Variants in TOX4 observed in about 807,000 individuals in gnomAD.
The protein encoded by TOX4 is epidermal Langerhans cell protein LCP1.
A neutral mutation model predicts 61.0 loss-of-function variants in TOX4; 12 were observed. The observed-to-expected ratio is 0.20, with a 90% CI of 0.13 to 0.32. TOX4 has a LOEUF of 0.32. TOX4 is among the 10% of genes least tolerant of loss of function. The pLI is 1.00. For missense variants in TOX4, 499 were observed against 753.3 expected (o/e 0.66, Z 3.95); for synonymous variants, 268 against 274.8 (o/e 0.98, Z 0.24).
intron 2 of TOX4, among the ~76,000 whole-genome samples, chr14:21,483,023 G>A (rs767611710): frequency 2.0e-5 from 3 of 151,978 alleles, no homozygotes; most frequent in Admixed American, 6.6e-5. Context: ...ATGCCTTGTC[G>A]ATCCTACATA....
At chr14:21,491,595 C>T (rs1369959463) in intron 5 of TOX4, among the ~76,000 whole-genome samples, 9 of 150,448 alleles carry the variant, frequency 6.0e-5, no homozygotes, top group African/African-American at 2.2e-4. Context: ...AATCTCCTGA[C>T]CTCGTGATCT....
At chr14:21,488,392 AAAG>A in intron 3 of TOX4, 195 bp from the exon 4 acceptor site, 2 of 608,210 alleles carry the variant, frequency 3.3e-6, no homozygotes, top group Non-Finnish European at 5.6e-6. Flanking sequence ...TTTTGAGTGC[AAAG>A]AAGTAAATTC....
rs765469807 is a variant in TOX4 at position 21,493,274 on chromosome 14, A to C, written c.1641+17A>C. 2.5e-6 allele frequency: 4 copies of C among 1,588,278 alleles called. No individual in the cohort carries two copies. Among genetic ancestry groups the C allele is most frequent in the Non-Finnish European group, 3.4e-6 (4 of 1,168,622 alleles). On this transcript the variant is annotated intron_variant, in intron 7 of 8. Coordinates refer to ENST00000448790, the MANE Select transcript of TOX4 (RefSeq NM_014828.4). The stretch of plus-strand genomic sequence containing the variant: ...GTTCCTGAGGTGAGCCTTTGTTTTT[A>C]AGTCTTTAGTCTAGTGGAAATGTAT...
At position 21,493,156 on chromosome 14, in the gene TOX4, A is replaced by G; in HGVS notation, c.1540A>G (p.Ser514Gly). Reference protein sequence around the residue: ...QTTLVPPTVESSPERPMNNSP... With the variant: ...QTTLVPPTVEGSPERPMNNSP... ...TACCTTAGTCCCACCAACTGTGGAA[A>G]GTAGTCCTGAGCGGCCTATGAACAA... The change falls in exon 7 of 9, where the codon AGT (serine) becomes GGT (glycine). Residue 514 changes from serine (S) to glycine (G), a missense_variant. By Grantham distance (56) the Ser-to-Gly change is moderately conservative (BLOSUM62 0). This residue lies in a region of TOX4 where 296 missense variants were observed against 404.7 expected (regional missense o/e 0.73). Coordinates refer to ENST00000448790, the MANE Select transcript of TOX4 (RefSeq NM_014828.4). 6.2e-7 allele frequency: 1 copy of G among 1,614,208 alleles called. No homozygotes were observed. Among genetic ancestry groups the G allele is most frequent in the Non-Finnish European group, 8.5e-7 (1 of 1,180,034 alleles).
rs1891312832 is a variant in TOX4 at position 21,492,535 on chromosome 14, C to A, written c.919C>A (p.Pro307Thr). ...QATVETVELDPAPPSQTPSPP... is the reference protein window; with the variant it reads ...QATVETVELDTAPPSQTPSPP... ...CACTGTGGAAACAGTGGAATTGGAT[C>A]CAGCACCACCATCACAAACTCCTTC... Residue 307 changes from proline (P) to threonine (T), a missense_variant, in exon 7 of 9, where the codon CCA becomes ACA. By Grantham distance (38) the Pro-to-Thr change is conservative. This residue lies in a region of TOX4 where 296 missense variants were observed against 404.7 expected (regional missense o/e 0.73). Coordinates refer to ENST00000448790, the MANE Select transcript of TOX4 (RefSeq NM_014828.4). The A allele has an allele frequency of 6.2e-7, 1 of 1,613,794 alleles. No individual in the cohort carries two copies. The highest frequency in any genetic ancestry group is 8.5e-7 in the Non-Finnish European group (1 of 1,179,886).
intron 4 of TOX4, 78 bp downstream of exon 4, chr14:21,488,928 A>G (rs1257797226): frequency 8.3e-6 from 13 of 1,568,236 alleles, no homozygotes; most frequent in Non-Finnish European, 1.1e-5. Context: ...CCTAATCAGT[A>G]TTCTTTACCC....
chr14:21,488,435 AT>A (rs372957889), intron 3 of TOX4, 154 bp from the exon 4 acceptor site: 35 of 776,614 alleles, frequency 4.5e-5, no homozygotes, highest in Non-Finnish European at 6.0e-5. Flanking sequence ...TAAAAAGCTT[AT>A]TTTTTTATTT....
rs1329980277 is a variant in TOX4, at chr14:21,498,749, G to A, written c.*2143G>A. ...ATAACTTCGTAACCACCAGGGGGCA[G>A]ATTCAATACATCACAGAATGGCTGA... On this transcript the variant is annotated 3_prime_UTR_variant, in exon 9 of 9. Transcript: ENST00000448790. 4.2e-6 allele frequency: 2 copies of A among 476,902 alleles called. No homozygotes were observed. Among genetic ancestry groups the A allele is most frequent in the Non-Finnish European group, 7.5e-6 (2 of 267,744 alleles). The allele number at this position is 476,902 out of a possible 1,614,324, so 29.5% of individuals were successfully genotyped here.
chr14:21,498,465 T>C lies in TOX4; in HGVS notation c.*1859T>C. 8.9e-7 allele frequency: 1 copy of C among 1,117,554 alleles called. No homozygotes were observed. Among genetic ancestry groups the C allele is most frequent in the South Asian group, 1.4e-5 (1 of 73,416 alleles). 69.2% of individuals were successfully genotyped at this position (1,117,554 alleles called of 1,614,324 possible). ...CATACCAAATGAAGACTGCCTATCATCATATCAAATATGCCAATTCTAAAA... is the reference window on the plus strand; with the variant it reads ...CATACCAAATGAAGACTGCCTATCACCATATCAAATATGCCAATTCTAAAA... On this transcript the variant is annotated 3_prime_UTR_variant, in exon 9 of 9. Coordinates refer to ENST00000448790, the MANE Select transcript of TOX4 (RefSeq NM_014828.4).
Position 21,499,012 on chromosome 14 carries a change from C to A in TOX4, c.*2406C>A. On this transcript the variant is annotated 3_prime_UTR_variant, in exon 9 of 9. Transcript: ENST00000448790. ...AGCCCCTTGAGGACTAGCCTGTTCT[C>A]TGGTCACCTTACCAGTTGGGTTGCA... 1 of 1,590,582 alleles carries A rather than the reference C, an allele frequency of 6.3e-7. No individual in the cohort carries two copies. Among genetic ancestry groups the A allele is most frequent in the Non-Finnish European group, 8.6e-7 (1 of 1,158,504 alleles).
Position 21,497,144 on chromosome 14 carries a change from ATATT to A in TOX4, c.*539_*542del, listed in dbSNP as rs1480778826. 1 of 152,614 alleles carries A rather than the reference ATATT, an allele frequency of 6.6e-6. No individual in the cohort carries two copies. The highest frequency in any genetic ancestry group is 1.5e-5 in the Non-Finnish European group (1 of 68,364). 9.5% of individuals were successfully genotyped at this position (152,614 alleles called of 1,614,324 possible). On this transcript the variant is annotated 3_prime_UTR_variant, in exon 9 of 9. Coordinates refer to ENST00000448790, the MANE Select transcript of TOX4 (RefSeq NM_014828.4). ...ACCCAGGAGTGATTTCTCTTTATAT[ATATT>A]ATTTCTGCAGTTACCATCCTTATCT... is the stretch of plus-strand genomic sequence containing the variant.
In TOX4 at chr14:21,487,905, C is replaced by G. The variant is rs531072981; in HGVS notation, c.318+212C>G. 319 of 500,186 alleles carry G rather than the reference C, an allele frequency of 6.4e-4. 1 individual carries two copies. The highest frequency in any genetic ancestry group is 4.7e-4 in the Non-Finnish European group (149 of 320,230). The allele number at this position is 500,186 out of a possible 1,614,324, so 31.0% of individuals were successfully genotyped here. On this transcript the variant is annotated intron_variant, in intron 3 of 8. Transcript: ENST00000448790. ...AAAATAATTTAAAATTGTACAATGT[C>G]TGGTTTGAAAATTATTTATTGTGGT...
intron 2 of TOX4, among the ~76,000 whole-genome samples, chr14:21,486,519 T>TG (rs976865803): frequency 6.6e-6 from 1 of 152,056 alleles, no homozygotes; most frequent in Non-Finnish European, 1.5e-5. Context: ...ATTTTACAGA[T>TG]GAAGAAAACT....
intron 2 of TOX4, among the ~76,000 whole-genome samples, chr14:21,478,267 G>A (rs1891041190): frequency 6.6e-6 from 1 of 152,172 alleles, no homozygotes; most frequent in African/African-American, 2.4e-5. Context: ...AAAAATTTGT[G>A]GTTACCTTTA....
At chr14:21,481,435 T>A (rs974404535) in intron 2 of TOX4, among the ~76,000 whole-genome samples, 8 of 152,298 alleles carry the variant, frequency 5.3e-5, no homozygotes, top group South Asian at 2.1e-4. Context: ...TGCCTCAACC[T>A]CCCAAAGTGC....
At position 21,498,450 on chromosome 14, in the gene TOX4, G is replaced by T; in HGVS notation, c.*1844G>T. The T allele has an allele frequency of 7.6e-7, 1 of 1,312,748 alleles. No homozygotes were observed. Among genetic ancestry groups the T allele is most frequent in the Non-Finnish European group, 1.1e-6 (1 of 919,324 alleles). 81.3% of individuals were successfully genotyped at this position (1,312,748 alleles called of 1,614,324 possible). Reference sequence around the variant, plus strand: ...TATTGTTAAAAAATGCATACCAAATGAAGACTGCCTATCATCATATCAAAT... The same window carrying T: ...TATTGTTAAAAAATGCATACCAAATTAAGACTGCCTATCATCATATCAAAT... On this transcript the variant is annotated 3_prime_UTR_variant, in exon 9 of 9. Transcript: ENST00000448790.
rs1281122423 is a variant in TOX4 at position 21,498,700 on chromosome 14, T to C, written c.*2094T>C. 1 of 464,578 alleles carries C rather than the reference T, an allele frequency of 2.2e-6. No homozygotes were observed. The highest frequency in any genetic ancestry group is 3.9e-6 in the Non-Finnish European group (1 of 259,552). The allele number at this position is 464,578 out of a possible 1,614,324, so 28.8% of individuals were successfully genotyped here. On this transcript the variant is annotated 3_prime_UTR_variant, in exon 9 of 9. Transcript: ENST00000448790. ...TTAAGCTCTGTTAAGGGGTGAAAGA[T>C]GTAATTATTGACAGATTAAATAGAT...
intron 5 of TOX4, among the ~76,000 whole-genome samples, chr14:21,491,808 G>A (rs1232211893): frequency 2.0e-5 from 3 of 150,828 alleles, no homozygotes; most frequent in African/African-American, 7.3e-5. Flanking sequence ...TCAGGAGATC[G>A]AGACCATCCT....
At chr14:21,488,502 C>A in intron 3 of TOX4, 88 bp from the exon 4 acceptor site, 1 of 1,288,038 alleles carries the variant, frequency 7.8e-7, no homozygotes. Flanking sequence ...TTTGGGTAGG[C>A]AGGGAATTTA....
Sources: allele counts gnomAD v4.1 joint callset (sites outside exome capture counted in the v4.1 genomes callset), GRCh38; gene constraint gnomAD v4.1.1; regional missense constraint gnomAD v4.1.1; transcripts MANE v1.5; gene names NCBI Gene and HGNC (gene_info 2026-07-23, HGNC 2026-07-21).